FOXP1: variants seen among roughly 807,000 people sequenced by gnomAD.
The protein encoded by FOXP1 is forkhead box P1.
Under a neutral mutation model 98.2 loss-of-function variants are expected in FOXP1, and 15 were observed. The ratio of observed to expected loss-of-function variants is 0.15; its 90% confidence interval spans 0.10 to 0.24. The LOEUF is 0.24. Ranked by LOEUF, FOXP1 falls within the 10% of genes least tolerant of loss-of-function variation. The probability of loss-of-function intolerance (pLI) is 1.00; values close to 1 mark genes in which losing one functional copy is unlikely to be tolerated. For synonymous variants in FOXP1, 371 were observed against 314.5 expected, an observed-to-expected ratio of 1.18 and a Z score of -1.90; for missense variants, 633 against 848.5, an observed-to-expected ratio of 0.75 and a Z score of 3.15.
In FOXP1 at chr3:71,048,433, C is replaced by G. The variant is rs189642068; in HGVS notation, c.511-1338G>C. Among the ~76,000 whole-genome samples, 271 of 152,262 alleles carry G rather than the reference C, an allele frequency of 1.8e-3. 1 individual carries two copies. Among genetic ancestry groups the G allele is most frequent in the African/African-American group, 6.3e-3 (262 of 41,558 alleles). Reference sequence around the variant, plus strand: ...TTCGGTCTTCATGTAGTTTATTTTACAGTAAAAACCATCATTCTCATATTA... The same window carrying G: ...TTCGGTCTTCATGTAGTTTATTTTAGAGTAAAAACCATCATTCTCATATTA... On this transcript the variant is annotated intron_variant, in intron 9 of 20. Transcript: ENST00000649528.
chr3:71,418,146 T>C (rs2083363004), intron 3 of FOXP1, among the ~76,000 whole-genome samples: 1 of 151,264 alleles, frequency 6.6e-6, no homozygotes, highest in South Asian at 2.1e-4. Context: ...TGTGTGTGTG[T>C]GTTTCCACTG....
chr3:71,209,831 C>T (rs2064319700), intron 5 of FOXP1, among the ~76,000 whole-genome samples: 1 of 152,192 alleles, frequency 6.6e-6, no homozygotes, highest in Non-Finnish European at 1.5e-5. Flanking sequence ...GATACTTTAA[C>T]ACCATTAATT....
At chr3:71,544,239 G>A (rs2045164549) in intron 2 of FOXP1, among the ~76,000 whole-genome samples, 1 of 151,578 alleles carries the variant, frequency 6.6e-6, no homozygotes, top group African/African-American at 2.4e-5. Context: ...AATATTTTAT[G>A]ATATAAATCC....
At chr3:71,243,206 C>T in intron 5 of FOXP1, among the ~76,000 whole-genome samples, 1 of 152,180 alleles carries the variant, frequency 6.6e-6, no homozygotes, top group Non-Finnish European at 1.5e-5. Flanking sequence ...TCAGAACCTT[C>T]CACTCAGATG....
At chr3:71,459,608 T>C (rs1194420440) in intron 3 of FOXP1, among the ~76,000 whole-genome samples, 1 of 152,224 alleles carries the variant, frequency 6.6e-6, no homozygotes, top group Non-Finnish European at 1.5e-5. Context: ...GTAATAGATA[T>C]GGGGTTGTTG....
At chr3:71,321,671 G>T (rs1407231566) in intron 4 of FOXP1, among the ~76,000 whole-genome samples, 2 of 151,512 alleles carry the variant, frequency 1.3e-5, no homozygotes, top group African/African-American at 4.9e-5. Context: ...GCCCAGGCCG[G>T]AGTGCAGTGG....
intron 4 of FOXP1, among the ~76,000 whole-genome samples, chr3:71,331,344 T>C (rs2076286097): frequency 6.6e-6 from 1 of 152,138 alleles, no homozygotes; most frequent in African/African-American, 2.4e-5. Flanking sequence ...GCTTAGGACC[T>C]GCAGCCTTCC....
chr3:71,449,869 A>G (rs1355565373), intron 3 of FOXP1, among the ~76,000 whole-genome samples: 1 of 152,270 alleles, frequency 6.6e-6, no homozygotes, highest in Non-Finnish European at 1.5e-5. Flanking sequence ...ATAACAAAGT[A>G]TAACTAAATA....
intron 3 of FOXP1, among the ~76,000 whole-genome samples, chr3:71,417,128 A>T (rs758656565): frequency 1.3e-4 from 20 of 152,216 alleles, no homozygotes; most frequent in Non-Finnish European, 2.5e-4. Flanking sequence ...CTGCAAATAC[A>T]CTTCAGACCA....
intron 6 of FOXP1, among the ~76,000 whole-genome samples, chr3:71,114,971 G>A (rs1474774179): frequency 6.6e-6 from 1 of 152,164 alleles, no homozygotes; most frequent in Non-Finnish European, 1.5e-5. Flanking sequence ...AGGAGCAAAA[G>A]CCTCTTCTCC....
intron 7 of FOXP1, among the ~76,000 whole-genome samples, chr3:71,085,890 C>T (rs545690343): frequency 6.6e-6 from 1 of 151,570 alleles, no homozygotes; most frequent in Admixed American, 6.6e-5. Context: ...CCACCACACC[C>T]AGCTATTTTT....
At chr3:71,353,541 A>T (rs1475403915) in intron 4 of FOXP1, among the ~76,000 whole-genome samples, 1 of 152,060 alleles carries the variant, frequency 6.6e-6, no homozygotes, top group Non-Finnish European at 1.5e-5. Flanking sequence ...TTCCTTTCCT[A>T]AAAGGATATT....
At chr3:71,084,221 C>G (rs1236697407) in intron 7 of FOXP1, among the ~76,000 whole-genome samples, 2 of 152,080 alleles carry the variant, frequency 1.3e-5, no homozygotes, top group African/African-American at 4.8e-5. Context: ...TTCACCAAGC[C>G]CTGGGAATTT....
intron 3 of FOXP1, among the ~76,000 whole-genome samples, chr3:71,427,880 G>T (rs2084306969): frequency 6.6e-6 from 1 of 152,164 alleles, no homozygotes; most frequent in African/African-American, 2.4e-5. Context: ...TCTCAGAAAT[G>T]CCTATGTGGA....
chr3:71,189,787 C>CT (rs1392453605), intron 6 of FOXP1, among the ~76,000 whole-genome samples: 3 of 152,226 alleles, frequency 2.0e-5, no homozygotes, highest in African/African-American at 7.2e-5. Context: ...CATAAATAGT[C>CT]TGTCACAGAA....
chr3:71,522,285 C>A (rs2043051205), intron 2 of FOXP1, among the ~76,000 whole-genome samples: 2 of 152,106 alleles, frequency 1.3e-5, no homozygotes, highest in South Asian at 4.2e-4. Flanking sequence ...ATTCCTATTT[C>A]TCAGGGTAAA....
At chr3:71,010,803 T>C (rs1014384506) in intron 12 of FOXP1, among the ~76,000 whole-genome samples, 2 of 151,996 alleles carry the variant, frequency 1.3e-5, no homozygotes, top group African/African-American at 2.4e-5. Flanking sequence ...AAGTACTTGA[T>C]GCATCACTCT....
intron 5 of FOXP1, among the ~76,000 whole-genome samples, chr3:71,254,091 A>C (rs1010970072): frequency 1.3e-5 from 2 of 152,218 alleles, no homozygotes; most frequent in Non-Finnish European, 2.9e-5. Context: ...CAACCACATA[A>C]ATGGTAACAA....
At chr3:71,292,030 G>C (rs908164317) in intron 5 of FOXP1, among the ~76,000 whole-genome samples, 2 of 151,984 alleles carry the variant, frequency 1.3e-5, no homozygotes, top group Non-Finnish European at 2.9e-5. Context: ...TAAAAGTCTT[G>C]GGTACAAGCC....
Sources: gnomAD v4.1 joint callset for allele counts (sites outside exome capture counted in the v4.1 genomes callset) on GRCh38, gnomAD v4.1.1 for gene constraint, MANE v1.5 for transcripts, NCBI Gene and HGNC (gene_info 2026-07-23, HGNC 2026-07-21) for gene names.